ANO3: variants seen among roughly 807,000 people sequenced by gnomAD.
The protein encoded by ANO3 is anoctamin-3.
A neutral mutation model predicts 144.8 loss-of-function variants in ANO3; 99 were observed. That is an observed-to-expected ratio of 0.68 (90% CI 0.58 to 0.81). The LOEUF is 0.81. Among genes scored for constraint, ANO3 ranks in the 30% least tolerant of loss-of-function variants. The pLI, the probability that ANO3 is intolerant of heterozygous loss-of-function variation, is 0.00. For synonymous variants in ANO3, 414 were observed against 392.6 expected (o/e 1.05, Z -0.64); for missense variants, 905 against 1,202.2 (o/e 0.75, Z 3.66).
upstream of ANO3, among the ~76,000 whole-genome samples, chr11:26,304,822 T>C (rs2133865668): frequency 6.6e-6 from 1 of 152,238 alleles, no homozygotes; most frequent in South Asian, 2.1e-4. Context: ...AAAAGAGAGA[T>C]TCCCAGAAGT....
chr11:26,596,482 C>T (rs180934758), intron 14 of ANO3, among the ~76,000 whole-genome samples: 15 of 152,236 alleles, frequency 9.9e-5, no homozygotes, highest in South Asian at 4.1e-4. Flanking sequence ...TGGTGGGGAA[C>T]GGGTCCCACA....
chr11:26,625,333 A>T (rs1045369056), intron 18 of ANO3, among the ~76,000 whole-genome samples: 1 of 152,124 alleles, frequency 6.6e-6, no homozygotes, highest in African/African-American at 2.4e-5. Flanking sequence ...TTGCCTTCCC[A>T]TTATACAAGT....
intron 1 of ANO3, among the ~76,000 whole-genome samples, chr11:26,369,028 G>A (rs1856174493): frequency 6.6e-6 from 1 of 151,952 alleles, no homozygotes; most frequent in African/African-American, 2.4e-5. Context: ...CCCCCCAGCA[G>A]TTGACAAGGT....
chr11:26,313,529 A>G (rs962862162), intron 1 of ANO3, among the ~76,000 whole-genome samples: 1 of 152,048 alleles, frequency 6.6e-6, no homozygotes, highest in Non-Finnish European at 1.5e-5. Context: ...TACTAAAAAT[A>G]CAAAAAAATT....
At chr11:26,555,178 T>C (rs10501053) in intron 13 of ANO3, among the ~76,000 whole-genome samples, 37,605 of 152,162 alleles carry the variant, frequency 0.25, 4,704 homozygotes, top group South Asian at 0.28. Context: ...TCCATAAAGA[T>C]GATAGAGACT....
At chr11:26,639,928 A>G (rs1853091681) in intron 21 of ANO3, among the ~76,000 whole-genome samples, 1 of 152,202 alleles carries the variant, frequency 6.6e-6, no homozygotes, top group Non-Finnish European at 1.5e-5. Context: ...AAACATGTCT[A>G]TTTGAATAAT....
intron 1 of ANO3, among the ~76,000 whole-genome samples, chr11:26,419,041 A>C (rs1227908933): frequency 1.3e-5 from 2 of 152,170 alleles, no homozygotes; most frequent in African/African-American, 2.4e-5. Flanking sequence ...ATTGTTCTGC[A>C]GGCTGTACAG....
chr11:26,452,348 T>C (rs1387436851), intron 3 of ANO3, among the ~76,000 whole-genome samples: 1 of 152,112 alleles, frequency 6.6e-6, no homozygotes, highest in African/African-American at 2.4e-5. Flanking sequence ...TTTAGACGAA[T>C]GTATAACTAG....
In ANO3 at chr11:26,238,451, T is replaced by C. The variant is rs577591731; in HGVS notation, c.154+49121T>C. Among the ~76,000 whole-genome samples, 30 of 152,256 alleles carry C rather than the reference T, an allele frequency of 2.0e-4. 1 individual carries two copies. Among genetic ancestry groups the C allele is most frequent in the Non-Finnish European group, 3.5e-4 (24 of 67,966 alleles). On this transcript the variant is annotated intron_variant, in intron 1 of 27. Transcript: ENST00000672621. ...CTGAAAAGGTTAGGAGGTAATCTGA[T>C]TTAACATTAATACTCTAAAATTTAC...
intron 21 of ANO3, among the ~76,000 whole-genome samples, chr11:26,640,223 C>G (rs973603771): frequency 1.2e-4 from 18 of 152,108 alleles, no homozygotes; most frequent in Non-Finnish European, 2.5e-4. Flanking sequence ...TCCTTGACAT[C>G]TCTTAGGCTT....
At chr11:26,188,809 G>C (rs1851424199), upstream of ANO3, among the ~76,000 whole-genome samples, 1 of 152,060 alleles carries the variant, frequency 6.6e-6, no homozygotes, top group South Asian at 2.1e-4. Flanking sequence ...TCTAGTACCA[G>C]CTTACTAAAA....
At chr11:26,271,900 G>C (rs1853447615) in intron 1 of ANO3, among the ~76,000 whole-genome samples, 13 of 151,988 alleles carry the variant, frequency 8.6e-5, no homozygotes, top group Admixed American at 8.5e-4. Flanking sequence ...TGCTTCCAAG[G>C]TGCTGGATAA....
At chr11:26,474,607 C>A (rs1325281332) in intron 4 of ANO3, among the ~76,000 whole-genome samples, 2 of 151,802 alleles carry the variant, frequency 1.3e-5, no homozygotes, top group Admixed American at 1.3e-4. Flanking sequence ...GTACGAAGTT[C>A]ACTATGATGT....
intron 1 of ANO3, among the ~76,000 whole-genome samples, chr11:26,432,744 T>G (rs1858160809): frequency 6.6e-6 from 1 of 152,248 alleles, no homozygotes; most frequent in Non-Finnish European, 1.5e-5. Flanking sequence ...TTCTCTATGC[T>G]GCTCCTTTGG....
At position 26,271,851 on chromosome 11, in the gene ANO3, G is replaced by A. The variant is rs1460507689; in HGVS notation, c.155-37794G>A. Among the ~76,000 whole-genome samples the A allele has an allele frequency of 2.6e-5, 4 of 151,974 alleles. No homozygotes were observed. The East Asian group carries it at 7.7e-4, about 29-fold the overall frequency. On this transcript the variant is annotated intron_variant, in intron 1 of 27. Transcript: ENST00000672621. ...CTGACTTGGGTATTTCATTAAGTATGCTCAATACTTAATATTATGCAATAC... is the reference window on the plus strand; with the variant it reads ...CTGACTTGGGTATTTCATTAAGTATACTCAATACTTAATATTATGCAATAC...
At chr11:26,315,555 A>G (rs1854601910) in intron 1 of ANO3, among the ~76,000 whole-genome samples, 1 of 152,316 alleles carries the variant, frequency 6.6e-6, no homozygotes, top group African/African-American at 2.4e-5. Flanking sequence ...TTGACTGTTC[A>G]GTTCTACTTG....
At chr11:26,546,009 A>G (rs1437456335) in intron 11 of ANO3, among the ~76,000 whole-genome samples, 3 of 152,002 alleles carry the variant, frequency 2.0e-5, no homozygotes, top group Admixed American at 1.3e-4. Flanking sequence ...AATTTAAAAT[A>G]TCATTATCTA....
intron 4 of ANO3, among the ~76,000 whole-genome samples, chr11:26,469,241 A>C (rs796834804): frequency 4.6e-5 from 7 of 152,060 alleles, no homozygotes; most frequent in African/African-American, 1.7e-4. Flanking sequence ...TGCTAGTGTA[A>C]ATTTTCCAAA....
chr11:26,398,344 A>T (rs188864744), intron 1 of ANO3, among the ~76,000 whole-genome samples: 1 of 152,202 alleles, frequency 6.6e-6, no homozygotes, highest in Non-Finnish European at 1.5e-5. Context: ...AAATTTTCAA[A>T]AGGCTCCTGT....
Sources: allele counts gnomAD v4.1 joint callset (sites outside exome capture counted in the v4.1 genomes callset), GRCh38; gene constraint gnomAD v4.1.1; transcripts MANE v1.5; gene names NCBI Gene and HGNC (gene_info 2026-07-23, HGNC 2026-07-21).